Variants in MFAP5 observed in about 807,000 individuals in gnomAD.
The protein encoded by MFAP5 is microfibrillar-associated protein 5.
Under a neutral mutation model 30.1 loss-of-function variants are expected in MFAP5, and 19 were observed. The ratio of observed to expected loss-of-function variants is 0.63; its 90% CI spans 0.44 to 0.93. The LOEUF (loss-of-function observed/expected upper bound fraction) is 0.93, where lower values mean the gene tolerates loss of function less well. Among genes scored for constraint, MFAP5 ranks in the 40% least tolerant of loss-of-function variants. The pLI is 0.00. For synonymous variants in MFAP5, 92 were observed against 72.9 expected, an observed-to-expected ratio of 1.26 and a Z score of -1.33; for missense variants, 210 against 221.3, an observed-to-expected ratio of 0.95 and a Z score of 0.32.
rs1460461302 is a variant in MFAP5 at position 8,647,193 on chromosome 12, G to A, written c.*898C>T. The A allele has an allele frequency of 3.3e-5, 5 of 152,114 alleles. No individual in the cohort carries two copies. Among genetic ancestry groups the A allele is most frequent in the Admixed American group, 1.3e-4 (2 of 15,268 alleles). The allele number at this position is 152,114 out of a possible 1,614,324, so 9.4% of individuals were successfully genotyped here. A position where few individuals can be genotyped will look rare whatever the true frequency, so the allele number is the denominator to read the frequency against. ...CCAAAAGCCACTTGCACAATAATTC[G>A]ACCGTGCACTTGTTAAGTTGTGAAG... On this transcript the variant is annotated 3_prime_UTR_variant, in exon 10 of 10. Transcript: ENST00000359478.
intron 6 of MFAP5, among the ~76,000 whole-genome samples, chr12:8,652,649 A>G (rs954893838): frequency 9.9e-5 from 15 of 152,170 alleles, no homozygotes; most frequent in African/African-American, 3.6e-4. Context: ...ATGAGATCTC[A>G]TCTATCCCAT....
intron 7 of MFAP5, among the ~76,000 whole-genome samples, 157 bp downstream of exon 7, chr12:8,651,505 T>TA (rs199753618): frequency 1.7e-3 from 261 of 151,798 alleles, no homozygotes; most frequent in African/African-American, 5.3e-3. Context: ...CTCATTTTTT[T>TA]AAAAAAAAGA....
intron 9 of MFAP5, among the ~76,000 whole-genome samples, chr12:8,649,024 C>T (rs915121523): frequency 2.0e-5 from 3 of 152,208 alleles, no homozygotes; most frequent in Non-Finnish European, 4.4e-5. Context: ...CTATTTATAA[C>T]ATAGCTGATT....
In MFAP5 at chr12:8,662,179, T is replaced by C. The variant is rs901009359; in HGVS notation, c.-2-73A>G. The C allele has an allele frequency of 6.2e-6, 8 of 1,299,524 alleles. No individual in the cohort carries two copies. The African/African-American group carries it at 1.2e-4, about 19-fold the overall frequency. 80.5% of individuals were successfully genotyped at this position (1,299,524 alleles called of 1,614,324 possible). Reference sequence around the variant, plus strand: ...TCAGCATTTCAGTGCCAGGGAAAGATGCCTCTGAGGTCCCTGTCTCTTTGT... The same window carrying C: ...TCAGCATTTCAGTGCCAGGGAAAGACGCCTCTGAGGTCCCTGTCTCTTTGT... On this transcript the variant is annotated intron_variant, in intron 1 of 9. Transcript: ENST00000359478.
In MFAP5 at chr12:8,650,358, A is replaced by G. The variant is rs1173885676; in HGVS notation, c.335+144T>C. On this transcript the variant is annotated intron_variant, in intron 8 of 9. Transcript: ENST00000359478. ...GCCCATACTCCAGGTTCTAGTTGGT[A>G]CATTCAGCAATAACTAGGAGGGTTG... is the stretch of plus-strand genomic sequence containing the variant. The G allele has an allele frequency of 5.8e-6, 4 of 690,654 alleles. No homozygotes were observed. The East Asian group carries it at 1.1e-4, about 19-fold the overall frequency. 42.8% of individuals were successfully genotyped at this position (690,654 alleles called of 1,614,324 possible).
intron 3 of MFAP5, chr12:8,658,382 T>C (rs1490683530): frequency 6.6e-6 from 1 of 152,198 alleles, no homozygotes; most frequent in Non-Finnish European, 1.5e-5. Context: ...AAAAAGCCTC[T>C]TAACCTTTCA....
chr12:8,655,234 C>A (rs1941948874), intron 5 of MFAP5, among the ~76,000 whole-genome samples, 181 bp downstream of exon 5: 1 of 151,686 alleles, frequency 6.6e-6, no homozygotes, highest in Non-Finnish European at 1.5e-5. Context: ...TGCCATGAAC[C>A]AAAATTGTGC....
chr12:8,646,614 A>G lies in MFAP5; in HGVS notation c.*1477T>C, dbSNP rs974873204. 12 of 151,738 alleles carry G rather than the reference A, an allele frequency of 7.9e-5. 1 individual carries two copies. Among genetic ancestry groups the G allele is most frequent in the Admixed American group, 7.9e-4 (12 of 15,228 alleles). 9.4% of individuals were successfully genotyped at this position (151,738 alleles called of 1,614,324 possible). On this transcript the variant is annotated 3_prime_UTR_variant, in exon 10 of 10. Coordinates refer to ENST00000359478, the MANE Select transcript of MFAP5 (RefSeq NM_003480.4). Reference sequence around the variant, plus strand: ...GAATCATAGAATTAAAGGAAATCTTAGAACTAAGAATATATATAATATATA... The same window carrying G: ...GAATCATAGAATTAAAGGAAATCTTGGAACTAAGAATATATATAATATATA...
rs1310882573 is a variant in MFAP5 at position 8,662,823 on chromosome 12, CAAT to C, written c.-202_-200del. Reference sequence around the variant, plus strand: ...CAGGCTAGGCGTAGAATGTGTGTTACAATGAGGCTGGAATGAGAAGGGAGATGG... The same window carrying C: ...CAGGCTAGGCGTAGAATGTGTGTTACGAGGCTGGAATGAGAAGGGAGATGG... On this transcript the variant is annotated 5_prime_UTR_variant, in exon 1 of 10. Transcript: ENST00000359478. 1 of 152,420 alleles carries C rather than the reference CAAT, an allele frequency of 6.6e-6. No homozygotes were observed. Among genetic ancestry groups the C allele is most frequent in the East Asian group, 1.9e-4 (1 of 5,184 alleles). 9.4% of individuals were successfully genotyped at this position (152,420 alleles called of 1,614,324 possible).
Position 8,655,886 on chromosome 12 carries a change from G to C in MFAP5, c.95-56C>G, listed in dbSNP as rs1189685265. 4.0e-6 allele frequency: 6 copies of C among 1,490,076 alleles called. No individual in the cohort carries two copies. The African/African-American group carries it at 8.3e-5, about 21-fold the overall frequency. The allele number at this position is 1,490,076 out of a possible 1,614,324, so 92.3% of individuals were successfully genotyped here. On this transcript the variant is annotated intron_variant, in intron 3 of 9. Transcript: ENST00000359478. ...GATTCTCTGTCTCCCTGCCACCCTT[G>C]CACTTCCAGTAAGTTAAATTGCGAA...
intron 3 of MFAP5, among the ~76,000 whole-genome samples, chr12:8,656,262 G>A (rs1288563951): frequency 6.6e-6 from 1 of 151,138 alleles, no homozygotes; most frequent in African/African-American, 2.4e-5. Context: ...GGGTTTCACC[G>A]TGGTCTCGAT....
At chr12:8,650,936 G>A (rs1169981879) in intron 7 of MFAP5, among the ~76,000 whole-genome samples, 1 of 152,172 alleles carries the variant, frequency 6.6e-6, no homozygotes, top group Non-Finnish European at 1.5e-5. Context: ...CGGGGACGAG[G>A]CGGGCAGATC....
intron 2 of MFAP5, 56 bp from the exon 3 acceptor site, chr12:8,660,954 C>A (rs759559160): frequency 4.9e-6 from 7 of 1,434,822 alleles, no homozygotes; most frequent in Non-Finnish European, 6.8e-6. Context: ...TACCTCGTAA[C>A]CCTTTTATGA....
intron 7 of MFAP5, among the ~76,000 whole-genome samples, chr12:8,650,900 C>T (rs184642450): frequency 4.1e-4 from 62 of 152,282 alleles, no homozygotes; most frequent in African/African-American, 1.3e-3. Context: ...GGCACGGTGG[C>T]TCATGCTTGT....
chr12:8,650,558 C>T lies in MFAP5; in HGVS notation c.279G>A (p.Arg93=), dbSNP rs370536847. 6.2e-7 allele frequency: 1 copy of T among 1,614,046 alleles called. No individual in the cohort carries two copies. Among genetic ancestry groups the T allele is most frequent in the South Asian group, 1.1e-5 (1 of 91,076 alleles). The change falls in exon 8 of 10, where the codon AGG becomes AGA. Residue 93 remains arginine, a synonymous_variant. Coordinates refer to ENST00000359478, the MANE Select transcript of MFAP5 (RefSeq NM_003480.4). ...TAACCGGCCGATGCACAGAGTAGAG[C>T]CTTGTGCAGGTAAATTTCTCATCCC... ...ECWDEKFTCT[R]LYSVHRPVKQ...
At position 8,647,824 on chromosome 12, in the gene MFAP5, AT is replaced by A. The variant is rs1160465957; in HGVS notation, c.*266del. Reference sequence around the variant, plus strand: ...TACATAGAATGTTTGTATATAAGCCATATAGTCATCATCTATTCACTGTGTC... The same window carrying A: ...TACATAGAATGTTTGTATATAAGCCAATAGTCATCATCTATTCACTGTGTC... On this transcript the variant is annotated 3_prime_UTR_variant, in exon 10 of 10. Coordinates refer to ENST00000359478, the MANE Select transcript of MFAP5 (RefSeq NM_003480.4). 1 of 259,140 alleles carries A rather than the reference AT, an allele frequency of 3.9e-6. No individual in the cohort carries two copies. Among genetic ancestry groups the A allele is most frequent in the African/African-American group, 2.2e-5 (1 of 44,970 alleles). 16.1% of individuals were successfully genotyped at this position (259,140 alleles called of 1,614,324 possible).
chr12:8,651,740 A>G, intron 6 of MFAP5, 49 bp from the exon 7 acceptor site: 1 of 1,546,330 alleles, frequency 6.5e-7, no homozygotes, highest in Non-Finnish European at 8.9e-7. Flanking sequence ...AGAAGTTACT[A>G]CTTCTGTAAC....
chr12:8,655,866 T>C (rs772309783), intron 3 of MFAP5, 36 bp from the exon 4 acceptor site: 2 of 1,578,416 alleles, frequency 1.3e-6, no homozygotes, highest in South Asian at 2.2e-5. Flanking sequence ...TCTGAGATTC[T>C]CTGTCTCCCT....
intron 8 of MFAP5, 27 bp downstream of exon 8, chr12:8,650,475 C>G (rs370396141): frequency 3.2e-5 from 51 of 1,601,892 alleles, no homozygotes; most frequent in Non-Finnish European, 4.0e-5. Flanking sequence ...ATGGAAGATG[C>G]TTTTTGGGCA....
Sources: gnomAD v4.1 joint callset for allele counts (sites outside exome capture counted in the v4.1 genomes callset) on GRCh38, gnomAD v4.1.1 for gene constraint, MANE v1.5 for transcripts, NCBI Gene and HGNC (gene_info 2026-07-23, HGNC 2026-07-21) for gene names.